URGCP: variants seen among roughly 807,000 people sequenced by gnomAD.
The protein encoded by URGCP is upregulator of cell proliferation, also known as up-regulator of cell proliferation.
URGCP carries 13 observed loss-of-function variants against 24.6 expected under a neutral mutation model. The ratio of observed to expected loss-of-function variants is 0.53; its 90% CI spans 0.34 to 0.84. The LOEUF (loss-of-function observed/expected upper bound fraction) is 0.84. URGCP is among the 40% of genes least tolerant of loss of function. The probability of loss-of-function intolerance (pLI) is 0.01; values close to 1 mark genes in which losing one functional copy is unlikely to be tolerated. For missense variants in URGCP, 899 were observed against 1,194.3 expected (o/e 0.75, Z 3.64); for synonymous variants, 444 against 487.2 (o/e 0.91, Z 1.17).
rs184215121 is a variant in URGCP at position 43,891,005 on chromosome 7, G to T, written c.15-3189C>A. ...TCCTTCTTTTTTTTCTAACTGCCCA[G>T]CAGAATTATCTTAGGAGCTTTTCTG... On this transcript the variant is annotated intron_variant, in intron 1 of 5. Coordinates refer to ENST00000453200, the MANE Select transcript of URGCP (RefSeq NM_001077663.3). Among the ~76,000 whole-genome samples the T allele has an allele frequency of 2.9e-3, 445 of 152,210 alleles. 1 individual carries two copies. Among genetic ancestry groups the T allele is most frequent in the African/African-American group, 0.01 (417 of 41,512 alleles).
chr7:43,903,155 AAGAG>A (rs2095894626), intron 1 of URGCP, among the ~76,000 whole-genome samples: 2 of 151,750 alleles, frequency 1.3e-5, no homozygotes, highest in Non-Finnish European at 2.9e-5. Flanking sequence ...GAGAAAGAGA[AAGAG>A]AGAAAAAAAA....
intron 1 of URGCP, among the ~76,000 whole-genome samples, chr7:43,917,938 G>A (rs1562590807): frequency 6.6e-6 from 1 of 151,962 alleles, no homozygotes; most frequent in South Asian, 2.1e-4. Flanking sequence ...ATTCCAGCCT[G>A]GGTGACAGAG....
Position 43,877,787 on chromosome 7 carries a change from G to C in URGCP, c.1676C>G (p.Ser559Cys). Residue 559 changes from serine to cysteine, a missense_variant, in exon 6 of 6, where the codon TCC becomes TGC. Physicochemically the swap from Ser to Cys is moderately radical, Grantham distance 112. Coordinates refer to ENST00000453200, the MANE Select transcript of URGCP (RefSeq NM_001077663.3). ...CAGGAAGTACTGCTTCTCACTCAAG[G>C]AGGGGCTGCTGATCCCCGAGATGAA... ...QEFISGISSP[S>C]LSEKQYFLRW... The C allele has an allele frequency of 6.2e-7, 1 of 1,603,096 alleles. No homozygotes were observed. The highest frequency in any genetic ancestry group is 1.1e-5 in the South Asian group (1 of 89,884).
rs1418897523 is a variant in URGCP at position 43,876,467 on chromosome 7, A to T, written c.*200T>A. ...CCTGGGGGCTGTGATATTCTTGGTA[A>T]CATCTCTGAGCTGGTCTGTGAGGTC... On this transcript the variant is annotated 3_prime_UTR_variant, in exon 6 of 6. Transcript: ENST00000453200. 1 of 604,314 alleles carries T rather than the reference A, an allele frequency of 1.7e-6. No individual in the cohort carries two copies. The highest frequency in any genetic ancestry group is 1.9e-5 in the African/African-American group (1 of 54,034). 37.4% of individuals were successfully genotyped at this position (604,314 alleles called of 1,614,324 possible).
chr7:43,884,007 A>G (rs1287798374), intron 3 of URGCP, among the ~76,000 whole-genome samples: 7 of 152,202 alleles, frequency 4.6e-5, no homozygotes, highest in African/African-American at 7.2e-5. Flanking sequence ...AAAGAATGGG[A>G]AAGTCTAAAG....
intron 3 of URGCP, 77 bp downstream of exon 3, chr7:43,887,338 G>A (rs2095863649): frequency 5.1e-6 from 8 of 1,553,888 alleles, no homozygotes; most frequent in Non-Finnish European, 7.0e-6. Flanking sequence ...AGGAGGGGCT[G>A]GAACCCAGAA....
intron 1 of URGCP, among the ~76,000 whole-genome samples, chr7:43,913,281 T>C (rs917584763): frequency 6.6e-6 from 1 of 152,120 alleles, no homozygotes; most frequent in Non-Finnish European, 1.5e-5. Context: ...CGAACTCGGC[T>C]CACTGCAAGC....
At chr7:43,919,855 C>T in intron 1 of URGCP, 1 of 1,285,138 alleles carries the variant, frequency 7.8e-7, no homozygotes, top group South Asian at 1.2e-5. Context: ...AGCATCTCCT[C>T]ACTCTTCTAG....
chr7:43,904,756 T>C (rs1211321548), intron 1 of URGCP, among the ~76,000 whole-genome samples: 2 of 152,236 alleles, frequency 1.3e-5, no homozygotes, highest in Non-Finnish European at 2.9e-5. Context: ...GTGAGCATCA[T>C]AGGGCAAACT....
At chr7:43,923,324 TCTC>T (rs919934101) in intron 1 of URGCP, among the ~76,000 whole-genome samples, 1 of 149,942 alleles carries the variant, frequency 6.7e-6, no homozygotes, top group African/African-American at 2.5e-5. Flanking sequence ...TCTTGCTCTG[TCTC>T]CTGGGCTGGA....
chr7:43,899,678 C>T (rs933650700), intron 1 of URGCP, among the ~76,000 whole-genome samples: 1 of 152,168 alleles, frequency 6.6e-6, no homozygotes, highest in African/African-American at 2.4e-5. Context: ...TCAAAAATTT[C>T]ATCACTGATC....
At chr7:43,908,224 C>T (rs139374166), upstream of URGCP, among the ~76,000 whole-genome samples, 5,022 of 152,142 alleles carry the variant, frequency 0.033, 94 homozygotes, top group Non-Finnish European at 0.048. Context: ...ACTACAGGCG[C>T]CCACTACCAC....
At chr7:43,882,051 C>G (rs987013501) in intron 3 of URGCP, 94 bp from the exon 4 acceptor site, 1 of 1,585,010 alleles carries the variant, frequency 6.3e-7, no homozygotes, top group Non-Finnish European at 8.6e-7. Context: ...GTAACCCCAG[C>G]ACTTTAGGAG....
rs977383484 is a variant in URGCP at position 43,877,629 on chromosome 7, C to A, written c.1834G>T (p.Gly612Trp). ...VGEPLWPEPL[G>W]VEHFLREMGQ... ...ATCTCCCGCAAGAAGTGTTCCACCC[C>A]TAGGGGCTCAGGCCAGAGCGGCTCC... Residue 612 changes from glycine (G) to tryptophan (W), a missense_variant, in exon 6 of 6, where the codon GGG (glycine) becomes TGG (tryptophan). By Grantham distance (184) the Gly-to-Trp change is radical (BLOSUM62 -2). Coordinates refer to ENST00000453200, the MANE Select transcript of URGCP (RefSeq NM_001077663.3). 6.2e-7 allele frequency: 1 copy of A among 1,614,220 alleles called. No individual in the cohort carries two copies. The highest frequency in any genetic ancestry group is 1.1e-5 in the South Asian group (1 of 91,090).
intron 3 of URGCP, among the ~76,000 whole-genome samples, chr7:43,883,660 C>T (rs953987006): frequency 1.3e-5 from 2 of 151,956 alleles, no homozygotes; most frequent in African/African-American, 4.8e-5. Flanking sequence ...CTTGCCCGGC[C>T]CCAAAATTTA....
At chr7:43,881,718 A>G (rs745802761) in intron 4 of URGCP, 21 bp from the exon 5 acceptor site, 1 of 1,614,120 alleles carries the variant, frequency 6.2e-7, no homozygotes, top group South Asian at 1.1e-5. Context: ...AGCAATGGAA[A>G]ATGAAGTGTC....
At chr7:43,901,638 T>A (rs1300410094) in intron 1 of URGCP, among the ~76,000 whole-genome samples, 1 of 152,162 alleles carries the variant, frequency 6.6e-6, no homozygotes, top group Non-Finnish European at 1.5e-5. Context: ...AATGCTTCCT[T>A]CTCAGTGTGG....
chr7:43,878,551 G>C lies in URGCP; in HGVS notation c.912C>G (p.Ala304=). The change falls in exon 6 of 6, where the codon GCC becomes GCG. Residue 304 remains alanine, a synonymous_variant. Coordinates refer to ENST00000453200, the MANE Select transcript of URGCP (RefSeq NM_001077663.3). The surrounding 1 kb of genome is among the most constrained non-coding windows in gnomAD (Gnocchi z 5.6). ...CTACCAACCCATCCGAAATCTCCCGGGCATTGGTGCCCAAGTTGAGGTCCC... is the reference window on the plus strand; with the variant it reads ...CTACCAACCCATCCGAAATCTCCCGCGCATTGGTGCCCAAGTTGAGGTCCC... ...WHRDLNLGTN[A]REISDGLVEI... is the part of the protein sequence containing the mutation. 1.2e-6 allele frequency: 2 copies of C among 1,614,210 alleles called. No homozygotes were observed. Among genetic ancestry groups the C allele is most frequent in the Non-Finnish European group, 1.7e-6 (2 of 1,180,052 alleles).
chr7:43,915,048 G>A (rs1324247753), intron 1 of URGCP, among the ~76,000 whole-genome samples: 2 of 152,206 alleles, frequency 1.3e-5, no homozygotes, highest in Non-Finnish European at 1.5e-5. Flanking sequence ...GAGGAGCCTG[G>A]CCTCTTCAGC....
Sources: gnomAD v4.1 joint callset for allele counts (sites outside exome capture counted in the v4.1 genomes callset) on GRCh38, gnomAD v4.1.1 for gene constraint, Gnocchi (gnomAD v3.1) non-coding constraint, MANE v1.5 for transcripts, NCBI Gene and HGNC (gene_info 2026-07-23, HGNC 2026-07-21) for gene names.